Variants in POF1B observed in about 807,000 individuals in gnomAD.
The protein encoded by POF1B is protein POF1B.
In POF1B, 53 loss-of-function variants were observed where a neutral mutation model predicts 55.3. The observed-to-expected ratio is 0.96, with a 90% CI of 0.77 to 1.20. POF1B has a LOEUF of 1.20. Among genes scored for constraint, POF1B ranks in the 50% most tolerant of loss-of-function variants. The pLI is 0.00. For synonymous variants in POF1B, 188 were observed against 148.3 expected, an observed-to-expected ratio of 1.27 and a Z score of -1.95; for missense variants, 478 against 420.5, an observed-to-expected ratio of 1.14 and a Z score of -1.20.
Position 85,277,607 on chromosome X carries a change from T to C in POF1B, c.*1814A>G, listed in dbSNP as rs922180887. On this transcript the variant is annotated 3_prime_UTR_variant, in exon 17 of 17. Transcript: ENST00000262753. ...TTTTCCCAGCCACTAGTAACCATCC[T>C]TCTACTCTCTATATCCATGAGTTCA... 7 of 110,410 alleles carry C rather than the reference T, an allele frequency of 6.3e-5. No homozygotes were observed. The highest frequency in any genetic ancestry group is 1.3e-4 in the Non-Finnish European group (7 of 52,508). 9.1% of individuals were successfully genotyped at this position (110,410 alleles called of 1,213,427 possible).
At chrX:85,324,109 T>G (rs777463895) in intron 7 of POF1B, among the ~76,000 whole-genome samples, 19 of 112,095 alleles carry the variant, frequency 1.7e-4, no homozygotes, top group Non-Finnish European at 9.4e-5. Flanking sequence ...GTTTTTTGTA[T>G]TTGCTGATGA....
intron 15 of POF1B, among the ~76,000 whole-genome samples, chrX:85,283,991 A>G (rs984997430): frequency 9.0e-6 from 1 of 111,486 alleles, no homozygotes; most frequent in South Asian, 3.7e-4. Context: ...TGCAAAAATC[A>G]CAAGCATTCC....
intron 2 of POF1B, among the ~76,000 whole-genome samples, chrX:85,377,549 T>C (rs1988824575): frequency 8.9e-6 from 1 of 112,083 alleles, no homozygotes; most frequent in African/African-American, 3.2e-5. Flanking sequence ...CAATAATAAA[T>C]AACTTCAGAC....
intron 9 of POF1B, among the ~76,000 whole-genome samples, chrX:85,311,554 A>G (rs1932697638): frequency 9.0e-6 from 1 of 111,705 alleles, no homozygotes; most frequent in South Asian, 3.7e-4. Context: ...ATAGTATTCC[A>G]TGGTGCGTAT....
At chrX:85,317,033 T>G (rs190028433) in intron 7 of POF1B, among the ~76,000 whole-genome samples, 2 of 110,668 alleles carry the variant, frequency 1.8e-5, no homozygotes, top group African/African-American at 6.6e-5. Flanking sequence ...GCTCCGTCCA[T>G]GTCCCTGCAA....
chrX:85,326,610 G>A, intron 7 of POF1B, among the ~76,000 whole-genome samples: 1 of 110,883 alleles, frequency 9.0e-6, no homozygotes. Context: ...ACAGGAAGAT[G>A]CATGCGCACA....
At chrX:85,339,368 G>T (rs1374757686) in intron 6 of POF1B, among the ~76,000 whole-genome samples, 3 of 110,968 alleles carry the variant, frequency 2.7e-5, no homozygotes, top group Non-Finnish European at 3.8e-5. Context: ...GATTTTGGTG[G>T]GTACACAGCC....
rs762071495 is a variant in POF1B at position 85,340,180 on chromosome X, G to A, written c.723+5680C>T. 1.8e-3 allele frequency among the ~76,000 whole-genome samples: 200 copies of A among 110,978 alleles called. 2 individuals are homozygous for A. The highest frequency in any genetic ancestry group is 3.4e-3 in the Non-Finnish European group (180 of 52,794). On this transcript the variant is annotated intron_variant, in intron 6 of 16. Transcript: ENST00000262753. ...ATTAAAAAGGCTGTTTAACAATGGTGGGAGTCCAGAAAGACCGAGACAATC... is the reference window on the plus strand; with the variant it reads ...ATTAAAAAGGCTGTTTAACAATGGTAGGAGTCCAGAAAGACCGAGACAATC...
chrX:85,306,391 T>C lies in POF1B; in HGVS notation c.1165-58A>G, dbSNP rs1222434522. On this transcript the variant is annotated intron_variant, in intron 11 of 16. Coordinates refer to ENST00000262753, the MANE Select transcript of POF1B (RefSeq NM_024921.4). The stretch of plus-strand genomic sequence containing the variant: ...GCATTTTGTTTTTGGTGAGGGAGTG[T>C]TCTTTTTATTGATTCATTCAATTGA... 11 of 1,058,079 alleles carry C rather than the reference T, an allele frequency of 1.0e-5. No homozygotes were observed. The East Asian group carries it at 2.7e-4, about 26-fold the overall frequency. 87.2% of individuals were successfully genotyped at this position (1,058,079 alleles called of 1,213,427 possible).
chrX:85,338,872 A>C (rs1039175366), intron 6 of POF1B, among the ~76,000 whole-genome samples: 17 of 111,618 alleles, frequency 1.5e-4, no homozygotes, highest in Non-Finnish European at 5.7e-5. Flanking sequence ...AGCGGATATG[A>C]TTCGTTTGAG....
chrX:85,330,925 A>G, intron 7 of POF1B, 24 bp downstream of exon 7: 2 of 1,139,937 alleles, frequency 1.8e-6, no homozygotes, highest in African/African-American at 1.8e-5. Context: ...TACAACATCA[A>G]GGCAAATAAT....
intron 5 of POF1B, among the ~76,000 whole-genome samples, chrX:85,350,883 G>T (rs1186015943): frequency 2.7e-5 from 3 of 111,407 alleles, no homozygotes; most frequent in African/African-American, 6.5e-5. Context: ...GAGCTTAACA[G>T]AATTTTTTAA....
chrX:85,338,396 C>T (rs183390356), intron 6 of POF1B, among the ~76,000 whole-genome samples: 234 of 111,587 alleles, frequency 2.1e-3, no homozygotes, highest in African/African-American at 7.4e-3. Flanking sequence ...ATTCTCACTT[C>T]CTTTTGGTGT....
intron 7 of POF1B, among the ~76,000 whole-genome samples, chrX:85,319,716 GC>G (rs1215215399): frequency 9.0e-6 from 1 of 111,436 alleles, no homozygotes; most frequent in East Asian, 2.8e-4. Context: ...CAGAAATAAA[GC>G]CTACTTGACT....
rs898396882 is a variant in POF1B, at chrX:85,351,505, A to G, written c.439-54T>C. ...TTTTGAAAGTTGTCTTTTCAGAGTAACCTTAAATTAGGCAAATATCCAGTG... is the reference window on the plus strand; with the variant it reads ...TTTTGAAAGTTGTCTTTTCAGAGTAGCCTTAAATTAGGCAAATATCCAGTG... On this transcript the variant is annotated intron_variant, in intron 4 of 16. Transcript: ENST00000262753. 3.2e-6 allele frequency: 3 copies of G among 931,263 alleles called. No homozygotes were observed. In the South Asian group the frequency reaches 6.5e-5, roughly 20 times the overall value. The allele number at this position is 931,263 out of a possible 1,213,427, so 76.7% of individuals were successfully genotyped here. A position where few individuals can be genotyped will look rare whatever the true frequency, so the allele number is the denominator to read the frequency against.
At chrX:85,283,165 ACT>A (rs943281901) in intron 15 of POF1B, among the ~76,000 whole-genome samples, 2 of 111,486 alleles carry the variant, frequency 1.8e-5, no homozygotes, top group African/African-American at 6.5e-5. Flanking sequence ...AAAATCTAAA[ACT>A]CAACAATATA....
chrX:85,298,941 C>T (rs1008302385), intron 15 of POF1B, among the ~76,000 whole-genome samples: 2 of 106,283 alleles, frequency 1.9e-5, no homozygotes, highest in African/African-American at 6.8e-5. Flanking sequence ...CAATGGAAGA[C>T]GATGTCAGTG....
At chrX:85,279,491 C>A (rs934412667) in intron 16 of POF1B, 65 bp from the exon 17 acceptor site, 1 of 1,050,051 alleles carries the variant, frequency 9.5e-7, no homozygotes, top group East Asian at 3.0e-5. Context: ...TTACTATATG[C>A]AAAGTTATGG....
chrX:85,314,748 G>A (rs1932769605), intron 8 of POF1B, among the ~76,000 whole-genome samples: 1 of 111,410 alleles, frequency 9.0e-6, no homozygotes, highest in African/African-American at 3.3e-5. Flanking sequence ...AAACCTTTGG[G>A]CAACCAATGA....
Sources: allele counts gnomAD v4.1 joint callset (sites outside exome capture counted in the v4.1 genomes callset), GRCh38; gene constraint gnomAD v4.1.1; transcripts MANE v1.5; gene names NCBI Gene and HGNC (gene_info 2026-07-23, HGNC 2026-07-21).